Variants in RYR3 observed in about 807,000 individuals in gnomAD.
RYR3 encodes ryanodine receptor 3.
RYR3 carries 207 observed loss-of-function variants against 584.3 expected under a neutral mutation model. That is an observed-to-expected ratio of 0.35 (90% CI 0.32 to 0.40). RYR3 has a LOEUF of 0.40. Among genes scored for constraint, RYR3 ranks in the 10% least tolerant of loss-of-function variants. RYR3 has a pLI of 1.00. For missense variants in RYR3, 5,616 were observed against 6,089.2 expected, an observed-to-expected ratio of 0.92 and a Z score of 2.59; for synonymous variants, 2,416 against 2,248.5, an observed-to-expected ratio of 1.07 and a Z score of -2.11.
intron 64 of RYR3, 75 bp from the exon 65 acceptor site, chr15:33,780,136 G>A: frequency 1.9e-6 from 3 of 1,559,692 alleles, no homozygotes; most frequent in Non-Finnish European, 2.6e-6. Flanking sequence ...TAATCTATGG[G>A]GAAGGCCTGA....
chr15:33,857,649 C>A, intron 98 of RYR3, 131 bp from the exon 99 acceptor site: 1 of 1,138,194 alleles, frequency 8.8e-7, no homozygotes, highest in Non-Finnish European at 1.3e-6. Flanking sequence ...CTTAGCCGCC[C>A]TCCACCCCTT....
intron 1 of RYR3, among the ~76,000 whole-genome samples, chr15:33,336,454 GAGAGAGAGAGAGAGAGAGAGAGAGAGA>G (rs1567046422): frequency 1.7e-4 from 5 of 28,588 alleles, no homozygotes; most frequent in African/African-American, 1.7e-3. Context: ...GAGAGAGAGA[GAGAGAGAGAGAGAGAGAGAGAGAGAGA>G]GAGAGAAAGA....
rs1316284362 is a variant in RYR3 at position 33,662,268 on chromosome 15, C to T, written c.4738C>T (p.Leu1580=). The change falls in exon 35 of 104, where the codon CTG becomes TTG. Residue 1580 remains leucine (L), a synonymous_variant. Transcript: ENST00000634891. ...GGGAAACAGCCGCGTGGCCTACGCC[C>T]TGTGCAGCCACGTGGACCTCTCCCA... ...ALGNSRVAYA[L]CSHVDLSQLF... 5 of 1,610,746 alleles carry T rather than the reference C, an allele frequency of 3.1e-6. No individual in the cohort carries two copies. Among genetic ancestry groups the T allele is most frequent in the Non-Finnish European group, 4.2e-6 (5 of 1,178,676 alleles).
intron 98 of RYR3, chr15:33,856,526 G>C (rs1226356512): frequency 6.6e-6 from 1 of 152,324 alleles, no homozygotes; most frequent in Non-Finnish European, 1.5e-5. Flanking sequence ...AATAAAAAGT[G>C]TGACTCAGCT....
intron 88 of RYR3, among the ~76,000 whole-genome samples, chr15:33,837,255 C>T (rs996248324): frequency 6.6e-6 from 1 of 152,178 alleles, no homozygotes; most frequent in Non-Finnish European, 1.5e-5. Context: ...TCTCCCTCTC[C>T]CCATTGCTTT....
intron 63 of RYR3, among the ~76,000 whole-genome samples, chr15:33,772,984 C>T (rs1470412706): frequency 3.9e-5 from 6 of 152,192 alleles, no homozygotes; most frequent in Non-Finnish European, 8.8e-5. Flanking sequence ...TGCCCTTCCC[C>T]TAGGAAACAT....
intron 1 of RYR3, among the ~76,000 whole-genome samples, chr15:33,385,291 C>CT (rs1002932200): frequency 3.3e-5 from 5 of 151,566 alleles, no homozygotes; most frequent in Admixed American, 1.3e-4. Context: ...CTTAATAGTA[C>CT]TTTTTTTTTC....
chr15:33,368,987 C>CTG (rs1220939627), intron 1 of RYR3, among the ~76,000 whole-genome samples: 2 of 152,214 alleles, frequency 1.3e-5, no homozygotes, highest in African/African-American at 4.8e-5. Flanking sequence ...GGAGCTCTTG[C>CTG]TGTGCACCAG....
chr15:33,646,481 C>T lies in RYR3; in HGVS notation c.3896C>T (p.Ser1299Phe). ...AGCATGCCTGTCGAGTGCCACTCCT[C>T]CTTCAGCCACAGCCCCTGTCTGGAC... ...RLSMPVECHS[S>F]FSHSPCLDSE... Residue 1299 changes from serine (S) to phenylalanine (F), a missense_variant, in exon 29 of 104, where the codon TCC (serine) becomes TTC (phenylalanine). By Grantham distance (155) the Ser-to-Phe change is radical. Coordinates refer to ENST00000634891, the MANE Select transcript of RYR3 (RefSeq NM_001036.6). The T allele has an allele frequency of 6.2e-7, 1 of 1,613,886 alleles. No individual in the cohort carries two copies. The highest frequency in any genetic ancestry group is 8.5e-7 in the Non-Finnish European group (1 of 1,179,826).
At chr15:33,376,145 A>G (rs920646391) in intron 1 of RYR3, among the ~76,000 whole-genome samples, 23 of 152,206 alleles carry the variant, frequency 1.5e-4, no homozygotes, top group Admixed American at 9.2e-4. Flanking sequence ...TCCCCGCCCC[A>G]GAGACGACCA....
At chr15:33,697,483 A>G (rs1596210155) in intron 39 of RYR3, among the ~76,000 whole-genome samples, 1 of 152,204 alleles carries the variant, frequency 6.6e-6, no homozygotes, top group Non-Finnish European at 1.5e-5. Context: ...TTTGATTTGC[A>G]TGCAGCTTTA....
At chr15:33,363,054 C>T (rs920272669) in intron 1 of RYR3, among the ~76,000 whole-genome samples, 6 of 152,142 alleles carry the variant, frequency 3.9e-5, no homozygotes, top group Admixed American at 3.3e-4. Context: ...ACTGCTCCTT[C>T]CCCAACACAG....
chr15:33,786,956 T>C (rs1476983798), intron 66 of RYR3, among the ~76,000 whole-genome samples: 3 of 152,198 alleles, frequency 2.0e-5, no homozygotes, highest in African/African-American at 7.2e-5. Context: ...CTATTACCCA[T>C]TAGCCCTAAA....
chr15:33,497,154 T>G (rs1303935163), intron 2 of RYR3, among the ~76,000 whole-genome samples: 10 of 152,102 alleles, frequency 6.6e-5, no homozygotes, highest in Non-Finnish European at 1.3e-4. Flanking sequence ...CCTCCTCTTC[T>G]CCCAGAGGAG....
rs543305586 is a variant in RYR3 at position 33,756,199 on chromosome 15, A to G, written c.8516-107A>G. The G allele has an allele frequency of 3.5e-5, 27 of 763,718 alleles. No homozygotes were observed. In the African/African-American group the frequency reaches 3.6e-4, roughly 10 times the overall value. 47.3% of individuals were successfully genotyped at this position (763,718 alleles called of 1,614,324 possible). On this transcript the variant is annotated intron_variant, in intron 58 of 103. Coordinates refer to ENST00000634891, the MANE Select transcript of RYR3 (RefSeq NM_001036.6). ...TGTAAGATATATTTTGTGAAATCAG[A>G]TAGCCTTTTTAAATAGCCTTTAGAA... is the stretch of plus-strand genomic sequence containing the variant.
chr15:33,833,487 C>T (rs1393836549), intron 86 of RYR3, among the ~76,000 whole-genome samples: 1 of 152,200 alleles, frequency 6.6e-6, no homozygotes, highest in Non-Finnish European at 1.5e-5. Flanking sequence ...CCTTGTCACT[C>T]AAGCGTTATA....
chr15:33,767,311 C>T (rs984974215), intron 60 of RYR3, among the ~76,000 whole-genome samples: 17 of 129,022 alleles, frequency 1.3e-4, no homozygotes, highest in Non-Finnish European at 2.8e-4. Flanking sequence ...ATCAACTACC[C>T]GTCTCTGAAA....
Position 33,635,731 on chromosome 15 carries a change from A to G in RYR3, c.3293A>G (p.Asp1098Gly). Residue 1098 changes from aspartate (D) to glycine (G), a missense_variant, in exon 26 of 104, where the codon GAC (aspartate) becomes GGC (glycine). Transcript: ENST00000634891. Reference protein sequence around the residue: ...YFEFEVVTGGDMRVGWARPGC... With the variant: ...YFEFEVVTGGGMRVGWARPGC... ...GAGTTTGAAGTGGTGACTGGAGGAG[A>G]CATGCGAGTCGGCTGGGCGAGGCCA... 6.2e-7 allele frequency: 1 copy of G among 1,613,898 alleles called. No homozygotes were observed. The highest frequency in any genetic ancestry group is 2.2e-5 in the East Asian group (1 of 44,878).
chr15:33,740,072 A>G, intron 51 of RYR3, 77 bp downstream of exon 51: 1 of 1,299,286 alleles, frequency 7.7e-7, no homozygotes, highest in Non-Finnish European at 1.1e-6. Context: ...GGTAGCAAGA[A>G]ATGTGAGCTT....
Sources: gnomAD v4.1 joint callset for allele counts (sites outside exome capture counted in the v4.1 genomes callset) on GRCh38, gnomAD v4.1.1 for gene constraint, MANE v1.5 for transcripts, NCBI Gene and HGNC (gene_info 2026-07-23, HGNC 2026-07-21) for gene names.